The following LRRC8D variants were observed in gnomAD, a reference collection of about 807,000 sequenced individuals.
LRRC8D encodes leucine rich repeat containing 8 VRAC subunit D.
In LRRC8D, 20 loss-of-function variants were observed where a neutral mutation model predicts 55.8. The ratio of observed to expected loss-of-function variants is 0.36; its 90% CI spans 0.25 to 0.52. The LOEUF is 0.52. LRRC8D is among the 20% of genes least tolerant of loss of function. The pLI is 0.93. For synonymous variants in LRRC8D, 352 were observed against 377.0 expected (o/e 0.93, Z 0.77); for missense variants, 651 against 1,030.8 (o/e 0.63, Z 5.05).
intron 2 of LRRC8D, among the ~76,000 whole-genome samples, chr1:89,915,690 A>G (rs1412310192): frequency 6.6e-5 from 10 of 152,230 alleles, no homozygotes; most frequent in Admixed American, 5.9e-4. Flanking sequence ...TCTGTGGGCC[A>G]TAAAGTGAAA....
intron 2 of LRRC8D, among the ~76,000 whole-genome samples, chr1:89,878,294 GCAGAGTGTTC>G (rs1457344952): frequency 2.6e-5 from 4 of 152,318 alleles, no homozygotes; most frequent in African/African-American, 9.6e-5. Context: ...GGCTCGAACA[GCAGAGTGTTC>G]AGCAGGTATT....
intron 2 of LRRC8D, among the ~76,000 whole-genome samples, chr1:89,891,400 C>T (rs902965521): frequency 6.6e-6 from 1 of 152,170 alleles, no homozygotes; most frequent in Non-Finnish European, 1.5e-5. Context: ...TAACTGTGAT[C>T]TGTTAGTAAG....
intron 2 of LRRC8D, among the ~76,000 whole-genome samples, chr1:89,898,730 A>G (rs1662776094): frequency 6.6e-6 from 1 of 152,266 alleles, no homozygotes; most frequent in African/African-American, 2.4e-5. Flanking sequence ...CTTTACTAAG[A>G]TTTAATTTAC....
At chr1:89,930,051 A>G (rs1663664490) in intron 2 of LRRC8D, among the ~76,000 whole-genome samples, 1 of 152,228 alleles carries the variant, frequency 6.6e-6, no homozygotes, top group African/African-American at 2.4e-5. Context: ...AAGATGAAAC[A>G]GTTTCATCCC....
chr1:89,888,226 A>G (rs1023110827), intron 2 of LRRC8D, among the ~76,000 whole-genome samples: 3 of 152,224 alleles, frequency 2.0e-5, no homozygotes, highest in Non-Finnish European at 2.9e-5. Context: ...ATATGCAAGC[A>G]CTATACTCTA....
intron 2 of LRRC8D, among the ~76,000 whole-genome samples, chr1:89,869,038 C>G (rs1661927138): frequency 6.6e-6 from 1 of 152,130 alleles, no homozygotes; most frequent in African/African-American, 2.4e-5. Context: ...TCCCAAGTAG[C>G]TGGGAGTACA....
intron 2 of LRRC8D, among the ~76,000 whole-genome samples, chr1:89,902,592 G>A (rs1019923486): frequency 1.3e-5 from 2 of 150,644 alleles, no homozygotes; most frequent in African/African-American, 2.4e-5. Flanking sequence ...GCTGGAGTGC[G>A]GTGACACCAT....
Position 89,935,832 on chromosome 1 carries a change from T to G in LRRC8D, c.*187T>G. On this transcript the variant is annotated 3_prime_UTR_variant, in exon 3 of 3. Transcript: ENST00000337338. ...TCAATGTTTGTAGGGTTTTAAGTCA[T>G]TCATTTCCAAATCATTTTTTTTTTT... The G allele has an allele frequency of 2.1e-6, 1 of 481,784 alleles. No homozygotes were observed. Among genetic ancestry groups the G allele is most frequent in the Non-Finnish European group, 3.6e-6 (1 of 277,234 alleles). The allele number at this position is 481,784 out of a possible 1,614,324, so 29.8% of individuals were successfully genotyped here.
intron 2 of LRRC8D, among the ~76,000 whole-genome samples, chr1:89,923,117 G>A (rs1663465732): frequency 6.6e-6 from 1 of 152,026 alleles, no homozygotes; most frequent in Non-Finnish European, 1.5e-5. Flanking sequence ...TCCCTTTTCA[G>A]TTCTACTACA....
intron 1 of LRRC8D, chr1:89,843,228 C>T (rs1661179210): frequency 6.3e-6 from 1 of 157,656 alleles, no homozygotes; most frequent in African/African-American, 2.4e-5. Context: ...TAATTATTTT[C>T]TGGGGGGTAG....
chr1:89,857,668 G>A (rs1293250249), intron 2 of LRRC8D, among the ~76,000 whole-genome samples: 1 of 152,160 alleles, frequency 6.6e-6, no homozygotes, highest in Non-Finnish European at 1.5e-5. Context: ...AAAAAGGAAA[G>A]GGGTTTACTG....
chr1:89,922,220 C>T (rs1352955272), intron 2 of LRRC8D, among the ~76,000 whole-genome samples: 1 of 152,018 alleles, frequency 6.6e-6, no homozygotes, highest in Admixed American at 6.6e-5. Flanking sequence ...CTCGCCACCA[C>T]ACCTGGCTAA....
chr1:89,934,671 C>G lies in LRRC8D; in HGVS notation c.1603C>G (p.Leu535Val). ...AGTTGAACAGACTGCTTTTAGCTTT[C>G]TTCGCGATCACTTGAGATGCCTTCA... Reference protein sequence around the residue: ...AKVEQTAFSFLRDHLRCLHVK... With the variant: ...AKVEQTAFSFVRDHLRCLHVK... Residue 535 changes from leucine (L) to valine (V), a missense_variant, in exon 3 of 3, where the codon CTT becomes GTT. Physicochemically the swap from Leu to Val is conservative, Grantham distance 32. This residue lies in a region of LRRC8D where 338 missense variants were observed against 479.4 expected (regional missense o/e 0.71). Coordinates refer to ENST00000337338, the MANE Select transcript of LRRC8D (RefSeq NM_001134479.2). This position sits in a 1 kb window ranked among gnomAD's most constrained non-coding sequence, Gnocchi z 5.9. 1 of 1,614,186 alleles carries G rather than the reference C, an allele frequency of 6.2e-7. No homozygotes were observed. The highest frequency in any genetic ancestry group is 1.7e-5 in the Admixed American group (1 of 60,018).
At chr1:89,925,361 A>G (rs907229054) in intron 2 of LRRC8D, among the ~76,000 whole-genome samples, 2 of 152,164 alleles carry the variant, frequency 1.3e-5, no homozygotes, top group South Asian at 2.1e-4. Context: ...ATTTCATTAT[A>G]TATTACAGTG....
At chr1:89,873,828 T>C (rs983213422) in intron 2 of LRRC8D, among the ~76,000 whole-genome samples, 25 of 152,352 alleles carry the variant, frequency 1.6e-4, no homozygotes, top group Non-Finnish European at 3.2e-4. Context: ...TAGAGTGCCG[T>C]TTGATAATGA....
At chr1:89,823,304 G>A (rs554591054) in intron 1 of LRRC8D, among the ~76,000 whole-genome samples, 1 of 152,094 alleles carries the variant, frequency 6.6e-6, no homozygotes, top group South Asian at 2.1e-4. Flanking sequence ...AAAAAACATG[G>A]TCAAAACTTG....
chr1:89,924,707 C>T (rs1202623489), intron 2 of LRRC8D, among the ~76,000 whole-genome samples: 1 of 151,834 alleles, frequency 6.6e-6, no homozygotes, highest in Non-Finnish European at 1.5e-5. Flanking sequence ...TAATATGGTA[C>T]ATATACACCA....
chr1:89,845,439 A>G (rs1310511389), intron 2 of LRRC8D, among the ~76,000 whole-genome samples: 2 of 152,070 alleles, frequency 1.3e-5, no homozygotes, highest in African/African-American at 4.8e-5. Flanking sequence ...TAATCGAGAG[A>G]GATTCTTTTT....
intron 2 of LRRC8D, among the ~76,000 whole-genome samples, chr1:89,890,941 G>A (rs943403168): frequency 1.3e-5 from 2 of 151,994 alleles, no homozygotes; most frequent in Admixed American, 1.3e-4. Flanking sequence ...GAGTGCAGTG[G>A]GGCGATTTCG....
Sources: allele counts gnomAD v4.1 joint callset (sites outside exome capture counted in the v4.1 genomes callset), GRCh38; gene constraint gnomAD v4.1.1; regional missense constraint gnomAD v4.1.1; non-coding constraint Gnocchi (gnomAD v3.1); transcripts MANE v1.5; gene names NCBI Gene and HGNC (gene_info 2026-07-23, HGNC 2026-07-21).